Variants in PRR5L observed in about 807,000 individuals in gnomAD.
PRR5L encodes the protein proline rich 5 like.
In PRR5L, 21 loss-of-function variants were observed where a neutral mutation model predicts 36.4. That is an observed-to-expected ratio of 0.58 (90% CI 0.41 to 0.83). The LOEUF is 0.83. Among genes scored for constraint, PRR5L ranks in the 40% least tolerant of loss-of-function variants. The pLI, the probability that PRR5L is intolerant of heterozygous loss-of-function variation, is 0.00. For missense variants in PRR5L, 381 were observed against 473.3 expected (o/e 0.80, Z 1.81); for synonymous variants, 188 against 197.0 (o/e 0.95, Z 0.38).
At chr11:36,392,735 C>A (rs191309042) in intron 1 of PRR5L, among the ~76,000 whole-genome samples, 1 of 152,032 alleles carries the variant, frequency 6.6e-6, no homozygotes, top group African/African-American at 2.4e-5. Flanking sequence ...GAGAGAGAGA[C>A]AGAGAGCAAG....
At chr11:36,301,040 G>A (rs931018755) in intron 1 of PRR5L, 3 of 152,360 alleles carry the variant, frequency 2.0e-5, no homozygotes, top group African/African-American at 7.2e-5. Context: ...GAAAAATGAT[G>A]TCTGAGCTTC....
intron 8 of PRR5L, chr11:36,453,861 A>G (rs540878766): frequency 6.6e-6 from 1 of 152,430 alleles, no homozygotes; most frequent in East Asian, 1.9e-4. Context: ...AGCTGAGTAA[A>G]CAGAGAGGGA....
chr11:36,423,305 T>C (rs1341897477), intron 4 of PRR5L, among the ~76,000 whole-genome samples: 2 of 152,222 alleles, frequency 1.3e-5, no homozygotes, highest in African/African-American at 4.8e-5. Flanking sequence ...GCTGCTCATA[T>C]CTGCAAGAGT....
rs1857302504 is a variant in PRR5L at position 36,377,810 on chromosome 11, C to T, written c.-125-23187C>T. The stretch of plus-strand genomic sequence containing the variant: ...CGCCCCACAAGACGAAAGGTTCACG[C>T]GCTGCGTCTGAGCTGCACGTCTGCC... On this transcript the variant is annotated intron_variant, in intron 1 of 8. Coordinates refer to ENST00000530639, the MANE Select transcript of PRR5L (RefSeq NM_001160167.2). This position sits in a 1 kb window ranked among gnomAD's most constrained non-coding sequence, Gnocchi z 5.1. 6.6e-6 allele frequency: 1 copy of T among 152,274 alleles called. No individual in the cohort carries two copies. Among genetic ancestry groups the T allele is most frequent in the South Asian group, 2.1e-4 (1 of 4,836 alleles). 9.4% of individuals were successfully genotyped at this position (152,274 alleles called of 1,614,324 possible).
At chr11:36,413,958 C>G (rs1275550991) in intron 3 of PRR5L, among the ~76,000 whole-genome samples, 2 of 145,444 alleles carry the variant, frequency 1.4e-5, no homozygotes, top group African/African-American at 2.6e-5. Context: ...TGAGAACATG[C>G]GGTGTTTGGT....
rs140310779 is a variant in PRR5L, at chr11:36,327,452, T to C, written c.-126+31014T>C. ...AACCTGAGTCTAGTATAGCATCACA[T>C]GACAGCAGGCCCTGAAAGAAATTAT... On this transcript the variant is annotated intron_variant, in intron 1 of 8. Coordinates refer to ENST00000530639, the MANE Select transcript of PRR5L (RefSeq NM_001160167.2). Among the ~76,000 whole-genome samples the C allele has an allele frequency of 3.9e-5, 6 of 152,294 alleles. No individual in the cohort carries two copies. The East Asian group carries it at 1.2e-3, about 29-fold the overall frequency.
intron 5 of PRR5L, 87 bp downstream of exon 5, chr11:36,431,997 G>T (rs1331676067): frequency 8.4e-7 from 1 of 1,190,882 alleles, no homozygotes; most frequent in Non-Finnish European, 1.2e-6. Flanking sequence ...GTCCAGAAGG[G>T]GCAGGCTCCA....
chr11:36,345,204 G>A (rs1856852663), intron 1 of PRR5L, among the ~76,000 whole-genome samples: 1 of 152,094 alleles, frequency 6.6e-6, no homozygotes, highest in Non-Finnish European at 1.5e-5. Context: ...TCCCAAACAG[G>A]ATAGGTAGAG....
chr11:36,372,351 C>A (rs1204330521), intron 1 of PRR5L, among the ~76,000 whole-genome samples: 1 of 152,098 alleles, frequency 6.6e-6, no homozygotes, highest in Non-Finnish European at 1.5e-5. Flanking sequence ...TCTGGAAGAA[C>A]AGAATCTGAA....
At chr11:36,313,596 G>T (rs1419402771) in intron 1 of PRR5L, among the ~76,000 whole-genome samples, 3 of 152,122 alleles carry the variant, frequency 2.0e-5, no homozygotes, top group Non-Finnish European at 4.4e-5. Context: ...AAGAATGGAG[G>T]GACCTGGGAC....
At chr11:36,418,725 G>A (rs182762789) in intron 3 of PRR5L, among the ~76,000 whole-genome samples, 2,127 of 152,172 alleles carry the variant, frequency 0.014, 44 homozygotes, top group African/African-American at 0.038. Context: ...GAACCCAGGA[G>A]GCGGAGCTTG....
intron 1 of PRR5L, among the ~76,000 whole-genome samples, chr11:36,328,621 T>C (rs896928599): frequency 6.6e-6 from 1 of 152,184 alleles, no homozygotes; most frequent in Non-Finnish European, 1.5e-5. Flanking sequence ...TCTTTTTTCT[T>C]TAGAAATTAC....
chr11:36,338,213 G>T (rs1413191157), intron 1 of PRR5L, among the ~76,000 whole-genome samples: 2 of 152,166 alleles, frequency 1.3e-5, no homozygotes, highest in Non-Finnish European at 2.9e-5. Flanking sequence ...TCTCAATCAA[G>T]TATCAACCCA....
In PRR5L at chr11:36,451,244, T is replaced by C. The variant is rs756614457; in HGVS notation, c.621T>C (p.Tyr207=). ...VHEPTGPSES[Y]LQLEELVKQV... ...AGCCCACAGGCCCAAGTGAGAGTTATTTGCAACTGGAGGAGCTGGTGAAGC... is the reference window on the plus strand; with the variant it reads ...AGCCCACAGGCCCAAGTGAGAGTTACTTGCAACTGGAGGAGCTGGTGAAGC... The change falls in exon 8 of 9, where the codon TAT becomes TAC. Residue 207 remains tyrosine, a synonymous_variant. Coordinates refer to ENST00000530639, the MANE Select transcript of PRR5L (RefSeq NM_001160167.2). 11 of 1,614,174 alleles carry C rather than the reference T, an allele frequency of 6.8e-6. No homozygotes were observed. Among genetic ancestry groups the C allele is most frequent in the Non-Finnish European group, 9.3e-6 (11 of 1,180,022 alleles).
intron 4 of PRR5L, 38 bp downstream of exon 4, chr11:36,419,341 C>T: frequency 1.3e-6 from 2 of 1,564,682 alleles, no homozygotes; most frequent in Non-Finnish European, 8.8e-7. Context: ...CATTATCATG[C>T]ATGTGGGGGC....
At chr11:36,318,600 TCTAA>T (rs1390987242) in intron 1 of PRR5L, among the ~76,000 whole-genome samples, 1 of 152,178 alleles carries the variant, frequency 6.6e-6, no homozygotes, top group South Asian at 2.1e-4. Context: ...TTGTCTAGCA[TCTAA>T]CTAAAAGTGC....
At chr11:36,314,778 G>T (rs1856538755) in intron 1 of PRR5L, among the ~76,000 whole-genome samples, 2 of 152,156 alleles carry the variant, frequency 1.3e-5, no homozygotes, top group Non-Finnish European at 2.9e-5. Flanking sequence ...AAAGCACTTT[G>T]CAGACATCCA....
At chr11:36,398,837 C>T (rs1226836810) in intron 1 of PRR5L, 2 of 152,210 alleles carry the variant, frequency 1.3e-5, no homozygotes, top group African/African-American at 4.8e-5. Flanking sequence ...GGTGGGTAAA[C>T]ACCTGGAACG....
At chr11:36,456,692 C>T (rs1186163457) in intron 8 of PRR5L, among the ~76,000 whole-genome samples, 7 of 152,204 alleles carry the variant, frequency 4.6e-5, no homozygotes, top group African/African-American at 7.2e-5. Context: ...GGTTCTTCTG[C>T]GAAGTGGTTA....
Sources: allele counts gnomAD v4.1 joint callset (sites outside exome capture counted in the v4.1 genomes callset), GRCh38; gene constraint gnomAD v4.1.1; non-coding constraint Gnocchi (gnomAD v3.1); transcripts MANE v1.5; gene names NCBI Gene and HGNC (gene_info 2026-07-23, HGNC 2026-07-21).